The following ATG7 variants were observed in gnomAD, a reference collection of about 807,000 sequenced individuals.
ATG7 encodes ubiquitin-like modifier-activating enzyme ATG7.
In ATG7, 70 loss-of-function variants were observed where a neutral mutation model predicts 82.4. The observed-to-expected ratio is 0.85, with a 90% CI of 0.70 to 1.04. ATG7 has a LOEUF of 1.04. ATG7 is among the 50% of genes least tolerant of loss of function. ATG7 has a pLI of 0.00. For synonymous variants in ATG7, 287 were observed against 313.0 expected, an observed-to-expected ratio of 0.92 and a Z score of 0.88; for missense variants, 792 against 864.3, an observed-to-expected ratio of 0.92 and a Z score of 1.05.
At chr3:11,391,819 G>C (rs1439007146) in intron 19 of ATG7, among the ~76,000 whole-genome samples, 4 of 152,170 alleles carry the variant, frequency 2.6e-5, no homozygotes, top group Non-Finnish European at 5.9e-5. Context: ...CAGTCTATCA[G>C]ATGGAGAGAG....
At chr3:11,373,104 A>G (rs1182535591) in intron 18 of ATG7, among the ~76,000 whole-genome samples, 5 of 150,978 alleles carry the variant, frequency 3.3e-5, no homozygotes, top group Non-Finnish European at 7.4e-5. Flanking sequence ...CCCTACTATA[A>G]GGAGAAACTG....
chr3:11,532,146 T>G (rs2092705454), intron 20 of ATG7, among the ~76,000 whole-genome samples: 1 of 152,206 alleles, frequency 6.6e-6, no homozygotes, highest in South Asian at 2.1e-4. Flanking sequence ...CCAAGGTTCC[T>G]AAGAGTCAAA....
At chr3:11,566,411 T>C in the ATG7 span, among the ~76,000 whole-genome samples, 1 of 152,212 alleles carries the variant, frequency 6.6e-6, no homozygotes, top group Admixed American at 6.5e-5. Context: ...CTACCAACCT[T>C]ATTCAGATTT....
intron 20 of ATG7, among the ~76,000 whole-genome samples, chr3:11,468,668 C>T (rs2087086740): frequency 6.6e-6 from 1 of 152,188 alleles, no homozygotes; most frequent in African/African-American, 2.4e-5. Context: ...CTACTTCATT[C>T]TTTCAAGCCC....
chr3:11,288,590 A>G, intron 3 of ATG7: 1 of 152,180 alleles, frequency 6.6e-6, no homozygotes, highest in Non-Finnish European at 1.5e-5. Flanking sequence ...TAAGAGGCAA[A>G]AAAGGTCATG....
At chr3:11,466,756 T>C (rs2086865021) in intron 20 of ATG7, among the ~76,000 whole-genome samples, 1 of 152,188 alleles carries the variant, frequency 6.6e-6, no homozygotes, top group Admixed American at 6.5e-5. Context: ...TGCATTAGCA[T>C]CAGAATGACA....
intron 19 of ATG7, among the ~76,000 whole-genome samples, chr3:11,413,665 T>C (rs1476764753): frequency 6.6e-6 from 1 of 152,234 alleles, no homozygotes; most frequent in African/African-American, 2.4e-5. Flanking sequence ...GATTTTTGCA[T>C]TAATTTATAA....
chr3:11,516,045 A>T (rs1291608784), intron 20 of ATG7, among the ~76,000 whole-genome samples: 2 of 151,440 alleles, frequency 1.3e-5, no homozygotes, highest in South Asian at 4.2e-4. Context: ...AAAAAAAAAA[A>T]ACAAAAAAAC....
intron 19 of ATG7, among the ~76,000 whole-genome samples, chr3:11,414,452 T>C (rs1206907622): frequency 6.6e-6 from 1 of 152,222 alleles, no homozygotes; most frequent in Admixed American, 6.5e-5. Flanking sequence ...AGTGTTTTTA[T>C]TTATTTGGAT....
chr3:11,386,468 G>A (rs2078322340), intron 19 of ATG7, among the ~76,000 whole-genome samples: 1 of 152,052 alleles, frequency 6.6e-6, no homozygotes, highest in Admixed American at 6.6e-5. Flanking sequence ...ACTATATTGA[G>A]GATACTCCCT....
At chr3:11,568,360 C>G in the ATG7 span, among the ~76,000 whole-genome samples, 1 of 152,212 alleles carries the variant, frequency 6.6e-6, no homozygotes, top group African/African-American at 2.4e-5. This position sits in a 1 kb window ranked among gnomAD's most constrained non-coding sequence, Gnocchi z 5.9. Flanking sequence ...CGCCAGCTGC[C>G]AGGGCAGAGG....
In ATG7 at chr3:11,360,593, G is replaced by A; in HGVS notation, c.1492G>A (p.Ala498Thr). 6.2e-7 allele frequency: 1 copy of A among 1,613,564 alleles called. No homozygotes were observed. Among genetic ancestry groups the A allele is most frequent in the Non-Finnish European group, 8.5e-7 (1 of 1,179,854 alleles). The change falls in exon 16 of 21, where the codon GCT becomes ACT. Residue 498 changes from alanine (A) to threonine (T), a missense_variant. Transcript: ENST00000693202. ...TTGAAACCTGCAGCTGGTCATCAAT[G>A]CTGCTTTGGGATTTGACACATTTGT... The part of the protein sequence containing the change: ...AASKRKLVIN[A>T]ALGFDTFVVM...
chr3:11,422,740 C>CTTTTTTTTTTTTTTT lies in ATG7; in HGVS notation c.1957-4049_1957-4035dup, dbSNP rs557755646. ...CCTCACTATGCTTAATCATTTCTAG[C>CTTTTTTTTTTTTTTT]TTTTTTTTTTTTTTTTTTTTTTTTT... On this transcript the variant is annotated intron_variant, in intron 19 of 20. Coordinates refer to ENST00000693202, the MANE Select transcript of ATG7 (RefSeq NM_001349232.2). Among the ~76,000 whole-genome samples, 7 of 49,554 alleles carry CTTTTTTTTTTTTTTT rather than the reference C, an allele frequency of 1.4e-4. 2 individuals are homozygous for CTTTTTTTTTTTTTTT. The highest frequency in any genetic ancestry group is 5.1e-4 in the African/African-American group (5 of 9,874). 32.5% of individuals were successfully genotyped at this position (49,554 alleles called of 152,430 possible).
intron 19 of ATG7, among the ~76,000 whole-genome samples, chr3:11,417,811 TTTTA>T (rs1422545408): frequency 0.12 from 6,381 of 52,976 alleles, 252 homozygotes; most frequent in Non-Finnish European, 0.17. Flanking sequence ...TTTTATTTTA[TTTTA>T]TTTTTTTTTT....
intron 13 of ATG7, among the ~76,000 whole-genome samples, chr3:11,346,877 G>C (rs1954632651): frequency 6.6e-6 from 1 of 152,188 alleles, no homozygotes; most frequent in South Asian, 2.1e-4. Context: ...GCAGATTCTG[G>C]CCTGTCGTTC....
chr3:11,346,238 TCTC>T (rs1374926681), intron 13 of ATG7, among the ~76,000 whole-genome samples: 1 of 152,160 alleles, frequency 6.6e-6, no homozygotes, highest in Non-Finnish European at 1.5e-5. Flanking sequence ...ACTGAACCCT[TCTC>T]CTAATGTTCA....
At chr3:11,348,796 A>G (rs1219378614) in intron 14 of ATG7, 1 of 152,278 alleles carries the variant, frequency 6.6e-6, no homozygotes, top group Non-Finnish European at 1.5e-5. Flanking sequence ...TCAGTTTTAC[A>G]GAGTGTTGAT....
intron 20 of ATG7, among the ~76,000 whole-genome samples, chr3:11,506,570 A>C (rs1559769495): frequency 3.0e-5 from 4 of 134,102 alleles, no homozygotes; most frequent in African/African-American, 5.8e-5. Context: ...AAAAAAAAAA[A>C]AAAAAAAAAA....
rs115498687 is a variant in ATG7 at position 11,427,343 on chromosome 3, A to G, written c.2079+417A>G. 6.6e-3 allele frequency among the ~76,000 whole-genome samples: 1,006 copies of G among 152,280 alleles called. 10 individuals are homozygous for G. Among genetic ancestry groups the G allele is most frequent in the African/African-American group, 0.024 (978 of 41,560 alleles). On this transcript the variant is annotated intron_variant, in intron 20 of 20. Transcript: ENST00000693202. Reference sequence around the variant, plus strand: ...ACTCTGGCCATGTTCTTCAGAAAGAACATGCCTGGCTTTTTCACGATTTGA... The same window carrying G: ...ACTCTGGCCATGTTCTTCAGAAAGAGCATGCCTGGCTTTTTCACGATTTGA...
Sources: gnomAD v4.1 joint callset for allele counts (sites outside exome capture counted in the v4.1 genomes callset) on GRCh38, gnomAD v4.1.1 for gene constraint, Gnocchi (gnomAD v3.1) non-coding constraint, MANE v1.5 for transcripts, NCBI Gene and HGNC (gene_info 2026-07-23, HGNC 2026-07-21) for gene names.